EYA2: variants seen among roughly 807,000 people sequenced by gnomAD.
The protein encoded by EYA2 is EYA transcriptional coactivator and phosphatase 2.
EYA2 carries 31 observed loss-of-function variants against 69.2 expected under a neutral mutation model. That is an observed-to-expected ratio of 0.45 (90% CI 0.34 to 0.60). EYA2 has a LOEUF of 0.60. Among genes scored for constraint, EYA2 ranks in the 20% least tolerant of loss-of-function variants. The pLI is 0.02. For synonymous variants in EYA2, 257 were observed against 279.4 expected, an observed-to-expected ratio of 0.92 and a Z score of 0.80; for missense variants, 622 against 701.2, an observed-to-expected ratio of 0.89 and a Z score of 1.28.
chr20:46,959,597 C>A (rs1356762793), intron 1 of EYA2, among the ~76,000 whole-genome samples: 1 of 152,184 alleles, frequency 6.6e-6, no homozygotes, highest in East Asian at 1.9e-4. Flanking sequence ...CATCACTCTG[C>A]CGTTGGCATC....
At position 47,183,272 on chromosome 20, in the gene EYA2, C is replaced by T. The variant is rs1464654128; in HGVS notation, c.1436-19C>T. ...GGTCCTCACAGAGCGTTTTTTCTTT[C>T]CTTCCTGTGTGCGTGCAGGGAAGGA... On this transcript the variant is annotated intron_variant, in intron 14 of 15. Transcript: ENST00000327619. The T allele has an allele frequency of 1.2e-6, 2 of 1,608,830 alleles. No individual in the cohort carries two copies. Among genetic ancestry groups the T allele is most frequent in the Admixed American group, 1.7e-5 (1 of 58,552 alleles).
intron 9 of EYA2, among the ~76,000 whole-genome samples, chr20:47,113,234 T>G (rs6012121): frequency 0.053 from 8,107 of 152,038 alleles, 430 homozygotes; most frequent in African/African-American, 0.14. Flanking sequence ...GGAAATTGAT[T>G]GGGAGGGTAT....
intron 5 of EYA2, among the ~76,000 whole-genome samples, chr20:47,066,665 C>T (rs2031119783): frequency 6.6e-6 from 1 of 152,150 alleles, no homozygotes; most frequent in Non-Finnish European, 1.5e-5. Flanking sequence ...CATCATGTGG[C>T]CACATTTAGC....
intron 9 of EYA2, 27 bp from the exon 10 acceptor site, chr20:47,143,030 ATG>A (rs767857152): frequency 6.2e-7 from 1 of 1,602,302 alleles, no homozygotes; most frequent in Admixed American, 1.7e-5. Context: ...CTCCGCGTGC[ATG>A]TGATTTTCCC....
In EYA2 at chr20:47,169,101, TTCTCTCTC is replaced by T; in HGVS notation, c.979-24_979-17del. 2.7e-6 allele frequency: 4 copies of T among 1,482,900 alleles called. No individual in the cohort carries two copies. In the South Asian group the frequency reaches 4.7e-5, roughly 17 times the overall value. The allele number at this position is 1,482,900 out of a possible 1,614,324, so 91.9% of individuals were successfully genotyped here. ...GGCTACATCAGATTAACCAGGCATG[TTCTCTCTC>T]TCTCTCTCTCTCTGTCAAATTTTCC... On this transcript the variant is annotated intron_variant, in intron 10 of 15. Coordinates refer to ENST00000327619, the MANE Select transcript of EYA2 (RefSeq NM_005244.5).
rs56397891 is a variant in EYA2 at position 46,986,324 on chromosome 20, ATCTC to A, written c.-10-3675_-10-3672del. Among the ~76,000 whole-genome samples the A allele has an allele frequency of 2.2e-4, 31 of 137,844 alleles. 1 individual carries two copies. Among genetic ancestry groups the A allele is most frequent in the East Asian group, 1.6e-3 (8 of 4,960 alleles). The allele number at this position is 137,844 out of a possible 152,430, so 90.4% of individuals were successfully genotyped here. On this transcript the variant is annotated intron_variant, in intron 1 of 15. Transcript: ENST00000327619. The stretch of plus-strand genomic sequence containing the variant: ...GTATATATTATATATTATATATAAT[ATCTC>A]TATATATCTAATGTATATATATACA...
At chr20:46,978,451 A>C (rs1336575500) in intron 1 of EYA2, 1 of 412,016 alleles carries the variant, frequency 2.4e-6, no homozygotes, top group Non-Finnish European at 5.1e-6. Context: ...GAGGGACTGG[A>C]GTTCCAGGCA....
chr20:46,954,323 G>A (rs1978985446), intron 1 of EYA2, among the ~76,000 whole-genome samples: 1 of 152,150 alleles, frequency 6.6e-6, no homozygotes. Flanking sequence ...TCGGCACATA[G>A]TAAAAGTTCA....
intron 9 of EYA2, among the ~76,000 whole-genome samples, chr20:47,112,523 G>T (rs1330565669): frequency 1.3e-5 from 2 of 152,174 alleles, no homozygotes; most frequent in Non-Finnish European, 2.9e-5. Flanking sequence ...GACTATATCT[G>T]ATCAGCTCCT....
intron 5 of EYA2, among the ~76,000 whole-genome samples, chr20:47,059,620 A>G (rs574800858): frequency 1.8e-4 from 27 of 152,308 alleles, no homozygotes; most frequent in Admixed American, 3.3e-4. Context: ...AAGTGCTGGG[A>G]TTATAGGCAT....
At chr20:47,048,274 C>T (rs1177915902) in intron 5 of EYA2, among the ~76,000 whole-genome samples, 2 of 152,048 alleles carry the variant, frequency 1.3e-5, no homozygotes, top group African/African-American at 2.4e-5. Context: ...AGTGTGGCCA[C>T]GTGGAGAACA....
At chr20:46,997,297 C>A (rs1310713058) in intron 2 of EYA2, among the ~76,000 whole-genome samples, 1 of 152,144 alleles carries the variant, frequency 6.6e-6, no homozygotes, top group Non-Finnish European at 1.5e-5. Flanking sequence ...AAAATACACC[C>A]CCATGCTTCA....
chr20:46,999,859 G>A (rs1043365029), intron 2 of EYA2, among the ~76,000 whole-genome samples: 3 of 152,222 alleles, frequency 2.0e-5, no homozygotes, highest in African/African-American at 7.2e-5. Flanking sequence ...TCTGTACAAC[G>A]GGGTTAATGG....
rs530326342 is a variant in EYA2 at position 47,076,651 on chromosome 20, A to G, written c.661+2316A>G. Among the ~76,000 whole-genome samples the G allele has an allele frequency of 3.3e-5, 5 of 152,338 alleles. No homozygotes were observed. In the East Asian group the frequency reaches 9.6e-4, roughly 29 times the overall value. On this transcript the variant is annotated intron_variant, in intron 7 of 15. Coordinates refer to ENST00000327619, the MANE Select transcript of EYA2 (RefSeq NM_005244.5). Reference sequence around the variant, plus strand: ...CAAAAGACATAGAAAATCCAATTCAAACTAGTTTAAGAAAAAGCAAATGAA... The same window carrying G: ...CAAAAGACATAGAAAATCCAATTCAGACTAGTTTAAGAAAAAGCAAATGAA...
In EYA2 at chr20:47,122,449, G is replaced by A. The variant is rs184479768; in HGVS notation, c.889-20610G>A. ...GCTGGGTCTACAGGCACCCGCCACC[G>A]CACCCGGCTAATTTTTTTTTTGTAT... On this transcript the variant is annotated intron_variant, in intron 9 of 15. Coordinates refer to ENST00000327619, the MANE Select transcript of EYA2 (RefSeq NM_005244.5). Among the ~76,000 whole-genome samples the A allele has an allele frequency of 2.8e-3, 421 of 151,540 alleles. 1 individual carries two copies. The highest frequency in any genetic ancestry group is 9.5e-3 in the African/African-American group (393 of 41,296).
intron 1 of EYA2, among the ~76,000 whole-genome samples, chr20:46,957,973 C>T (rs1206764): frequency 0.95 from 145,021 of 152,212 alleles, 69,463 homozygotes; most frequent in Middle Eastern, 0.99. Context: ...ATGAGCTCTA[C>T]CATCCACTCA....
intron 1 of EYA2, among the ~76,000 whole-genome samples, chr20:46,904,434 A>C (rs748377593): frequency 7.9e-5 from 12 of 152,150 alleles, no homozygotes; most frequent in Non-Finnish European, 1.3e-4. Context: ...ATATTCTATT[A>C]AAGCCAGACT....
chr20:47,081,023 C>T (rs532805857), intron 7 of EYA2, among the ~76,000 whole-genome samples: 8 of 152,238 alleles, frequency 5.3e-5, no homozygotes, highest in Admixed American at 1.3e-4. Flanking sequence ...TGCCACCATG[C>T]GCAGCTAATT....
intron 7 of EYA2, among the ~76,000 whole-genome samples, chr20:47,074,630 T>A (rs1264925260): frequency 6.6e-6 from 1 of 152,226 alleles, no homozygotes; most frequent in African/African-American, 2.4e-5. Context: ...AAATTCTATT[T>A]TCTGGCTTCT....
Sources: gnomAD v4.1 joint callset for allele counts (sites outside exome capture counted in the v4.1 genomes callset) on GRCh38, gnomAD v4.1.1 for gene constraint, MANE v1.5 for transcripts, NCBI Gene and HGNC (gene_info 2026-07-23, HGNC 2026-07-21) for gene names.